Variants in HIVEP3 observed in about 807,000 individuals in gnomAD.
HIVEP3 encodes transcription factor HIVEP3.
Under a neutral mutation model 152.8 loss-of-function variants are expected in HIVEP3, and 49 were observed. The ratio of observed to expected loss-of-function variants is 0.32; its 90% confidence interval spans 0.26 to 0.41. HIVEP3 has a LOEUF of 0.41. Among genes scored for constraint, HIVEP3 ranks in the 10% least tolerant of loss-of-function variants. HIVEP3 has a pLI of 1.00. For missense variants in HIVEP3, 2,790 were observed against 3,103.3 expected (o/e 0.90, Z 2.40); for synonymous variants, 1,269 against 1,289.0 (o/e 0.98, Z 0.33).
chr1:41,791,499 A>G (rs974311056), intron 1 of HIVEP3, among the ~76,000 whole-genome samples: 4 of 152,116 alleles, frequency 2.6e-5, no homozygotes, highest in African/African-American at 7.2e-5. Flanking sequence ...GTTTTTTTAT[A>G]TATAATGGAT....
chr1:41,571,341 T>C (rs184848524), intron 5 of HIVEP3, among the ~76,000 whole-genome samples: 44 of 152,336 alleles, frequency 2.9e-4, no homozygotes, highest in African/African-American at 9.9e-4. Context: ...CATAACTTTG[T>C]GTGTGTGAAA....
At chr1:41,811,336 G>C (rs1036150097) in intron 1 of HIVEP3, among the ~76,000 whole-genome samples, 1 of 151,038 alleles carries the variant, frequency 6.6e-6, no homozygotes, top group African/African-American at 2.4e-5. Flanking sequence ...AGAAACTTCA[G>C]GATCCATGTC....
At chr1:41,577,837 G>A (rs554595245) in intron 4 of HIVEP3, among the ~76,000 whole-genome samples, 1 of 152,318 alleles carries the variant, frequency 6.6e-6, no homozygotes, top group East Asian at 1.9e-4. Flanking sequence ...AGACCAGAGA[G>A]AGGTGTAGTT....
chr1:41,775,078 C>T (rs1648611023), intron 1 of HIVEP3, among the ~76,000 whole-genome samples: 1 of 152,124 alleles, frequency 6.6e-6, no homozygotes, highest in Admixed American at 6.5e-5. Flanking sequence ...GCTGGAATTA[C>T]AGGCGTGACC....
chr1:41,621,805 C>T (rs1373602816), intron 3 of HIVEP3, among the ~76,000 whole-genome samples: 2 of 152,152 alleles, frequency 1.3e-5, no homozygotes, highest in Admixed American at 6.5e-5. Context: ...GGCCTAAGCC[C>T]CCAGGCCTGG....
intron 1 of HIVEP3, among the ~76,000 whole-genome samples, chr1:41,966,462 A>G (rs574888575): frequency 2.7e-5 from 3 of 110,604 alleles, no homozygotes; most frequent in South Asian, 3.5e-4. Context: ...AAGACCCATC[A>G]GTGTGCTGTA....
intron 3 of HIVEP3, among the ~76,000 whole-genome samples, chr1:41,621,526 G>GT (rs1159386640): frequency 6.6e-6 from 1 of 152,108 alleles, no homozygotes; most frequent in African/African-American, 2.4e-5. Context: ...GTTTTGTTTT[G>GT]TTTTTCGAGA....
chr1:41,783,435 T>C (rs764079576), intron 1 of HIVEP3, among the ~76,000 whole-genome samples: 3 of 152,100 alleles, frequency 2.0e-5, no homozygotes, highest in African/African-American at 4.8e-5. Flanking sequence ...AATGCTACAA[T>C]AAATAACCTC....
chr1:41,837,789 C>T (rs1229042535), intron 1 of HIVEP3, among the ~76,000 whole-genome samples: 2 of 152,186 alleles, frequency 1.3e-5, no homozygotes, highest in Admixed American at 6.5e-5. Flanking sequence ...GTGCCTGGTA[C>T]CCAGTAGGTA....
chr1:41,579,844 T>A lies in HIVEP3; in HGVS notation c.4954A>T (p.Arg1652Trp). The A allele has an allele frequency of 6.2e-7, 1 of 1,614,152 alleles. No individual in the cohort carries two copies. The highest frequency in any genetic ancestry group is 8.5e-7 in the Non-Finnish European group (1 of 1,179,998). Residue 1652 changes from arginine (R) to tryptophan (W), a missense_variant, in exon 4 of 9, where the codon AGG (arginine) becomes TGG (tryptophan). By Grantham distance (101) the Arg-to-Trp change is moderately radical. Around this residue, in one of 9 missense-constraint regions of HIVEP3, gnomAD observed 1,078 missense variants for 1,165.3 expected, o/e 0.93. Coordinates refer to ENST00000372583, the MANE Select transcript of HIVEP3 (RefSeq NM_024503.5). Reference protein sequence around the residue: ...VSTKAALSLLRSKQKVSKETY... With the variant: ...VSTKAALSLLWSKQKVSKETY... ...TCTTTGCTCACTTTCTGCTTAGACC[T>A]CAGGAGGGACAAAGCAGCTTTAGTG... is the stretch of plus-strand genomic sequence containing the variant.
At chr1:41,760,793 G>A (rs1292779807) in intron 1 of HIVEP3, among the ~76,000 whole-genome samples, 1 of 152,068 alleles carries the variant, frequency 6.6e-6, no homozygotes, top group East Asian at 1.9e-4. Context: ...CAGGATCTAG[G>A]AGTGAGTGGG....
intron 2 of HIVEP3, among the ~76,000 whole-genome samples, chr1:41,633,050 C>T (rs528192666): frequency 3.5e-4 from 54 of 152,138 alleles, no homozygotes; most frequent in Admixed American, 1.6e-3. Context: ...TGGCTGCGGT[C>T]GTGAGGCTGG....
chr1:42,020,483 G>A (rs1217718167), intron 1 of HIVEP3, among the ~76,000 whole-genome samples: 1 of 76,390 alleles, frequency 1.3e-5, no homozygotes, highest in Admixed American at 1.3e-4. Flanking sequence ...AAATTGTCAA[G>A]TATGTTGGCA....
chr1:41,937,749 T>A (rs568219801), intron 1 of HIVEP3, among the ~76,000 whole-genome samples: 1 of 152,328 alleles, frequency 6.6e-6, no homozygotes, highest in East Asian at 1.9e-4. Context: ...TTTTCAGATA[T>A]GTCAACTAAT....
At chr1:41,644,979 T>G (rs1389505329) in intron 2 of HIVEP3, among the ~76,000 whole-genome samples, 2 of 152,094 alleles carry the variant, frequency 1.3e-5, no homozygotes, top group African/African-American at 4.8e-5. Flanking sequence ...GCAGAAACAC[T>G]CTGACGCATG....
intron 5 of HIVEP3, among the ~76,000 whole-genome samples, chr1:41,556,521 T>C (rs987184399): frequency 1.3e-5 from 2 of 152,244 alleles, no homozygotes; most frequent in African/African-American, 4.8e-5. Flanking sequence ...TCTTTACATA[T>C]TCTGGATATC....
At chr1:41,543,848 G>GC (rs1643594307) in intron 5 of HIVEP3, 1 of 152,214 alleles carries the variant, frequency 6.6e-6, no homozygotes, top group Non-Finnish European at 1.5e-5. Context: ...CGTGTTGAAA[G>GC]TTTTTCGTTG....
intron 1 of HIVEP3, among the ~76,000 whole-genome samples, chr1:41,757,430 T>G (rs943374074): frequency 6.6e-6 from 1 of 151,984 alleles, no homozygotes; most frequent in African/African-American, 2.4e-5. Flanking sequence ...AAAAATATTT[T>G]TTTAATTAGC....
At chr1:41,617,117 C>G (rs754136296) in intron 3 of HIVEP3, among the ~76,000 whole-genome samples, 69 of 152,330 alleles carry the variant, frequency 4.5e-4, no homozygotes, top group Middle Eastern at 3.4e-3. Context: ...AATCTTGTTA[C>G]AGCTGAATGA....
Sources: gnomAD v4.1 joint callset for allele counts (sites outside exome capture counted in the v4.1 genomes callset) on GRCh38, gnomAD v4.1.1 for gene constraint, gnomAD v4.1.1 regional missense constraint, MANE v1.5 for transcripts, NCBI Gene and HGNC (gene_info 2026-07-23, HGNC 2026-07-21) for gene names.